The following DDI2 variants were observed in gnomAD, a reference collection of about 807,000 sequenced individuals.
The protein encoded by DDI2 is DDI proteasomal shuttling factor 2, also known as protein DDI1 homolog 2.
In DDI2, 5 loss-of-function variants were observed where a neutral mutation model predicts 48.1. The ratio of observed to expected loss-of-function variants is 0.10; its 90% CI spans 0.05 to 0.22. DDI2 has a LOEUF of 0.22. Among genes scored for constraint, DDI2 ranks in the 10% least tolerant of loss-of-function variants. The pLI, the probability that DDI2 is intolerant of heterozygous loss-of-function variation, is 1.00. For synonymous variants in DDI2, 205 were observed against 183.6 expected, an observed-to-expected ratio of 1.12 and a Z score of -0.94; for missense variants, 285 against 506.2, an observed-to-expected ratio of 0.56 and a Z score of 4.19.
chr1:15,642,739 C>T (rs1460094013), intron 5 of DDI2, among the ~76,000 whole-genome samples: 1 of 152,172 alleles, frequency 6.6e-6, no homozygotes, highest in Non-Finnish European at 1.5e-5. Flanking sequence ...GCCTGGCCAA[C>T]GTGGTAAAAC....
intron 9 of DDI2, among the ~76,000 whole-genome samples, chr1:15,658,258 T>A (rs971786317): frequency 6.6e-6 from 1 of 152,052 alleles, no homozygotes; most frequent in African/African-American, 2.4e-5. Context: ...CAAGCAATTC[T>A]CCCACCTCAG....
intron 9 of DDI2, among the ~76,000 whole-genome samples, chr1:15,658,381 C>A (rs979404158): frequency 5.9e-5 from 9 of 151,850 alleles, no homozygotes; most frequent in African/African-American, 2.2e-4. Flanking sequence ...AACTCCTGAC[C>A]TCAGGTGATC....
At position 15,622,198 on chromosome 1, in the gene DDI2, C is replaced by CTTTTTTTTT. The variant is rs923707351; in HGVS notation, c.138+4399_138+4407dup. Among the ~76,000 whole-genome samples, 25 of 131,216 alleles carry CTTTTTTTTT rather than the reference C, an allele frequency of 1.9e-4. 1 individual carries two copies. Among genetic ancestry groups the CTTTTTTTTT allele is most frequent in the African/African-American group, 3.8e-4 (13 of 34,388 alleles). 86.1% of individuals were successfully genotyped at this position (131,216 alleles called of 152,430 possible). A position where few individuals can be genotyped will look rare whatever the true frequency, so the allele number is the denominator to read the frequency against. On this transcript the variant is annotated intron_variant, in intron 1 of 9. Transcript: ENST00000480945. ...AAGGGATCCTCCCAAGTAGCTGCGACTTTTTTTTTTTTTTTTTGAGACGAG... is the reference window on the plus strand; with the variant it reads ...AAGGGATCCTCCCAAGTAGCTGCGACTTTTTTTTTTTTTTTTTTTTTTTTTTGAGACGAG...
intron 1 of DDI2, among the ~76,000 whole-genome samples, chr1:15,621,999 T>G (rs1639674106): frequency 6.6e-6 from 1 of 152,208 alleles, no homozygotes; most frequent in East Asian, 1.9e-4. Flanking sequence ...GGTATTTGAT[T>G]AATGGTAATA....
intron 5 of DDI2, among the ~76,000 whole-genome samples, chr1:15,640,022 A>G (rs1358744022): frequency 2.7e-5 from 4 of 146,518 alleles, no homozygotes; most frequent in East Asian, 2.1e-4. Context: ...CTTCGGGGGA[A>G]AAAAAAAAAA....
rs768809483 is a variant in DDI2, at chr1:15,656,662, G to T, written c.*29G>T. 1 of 1,614,146 alleles carries T rather than the reference G, an allele frequency of 6.2e-7. No individual in the cohort carries two copies. Among genetic ancestry groups the T allele is most frequent in the Non-Finnish European group, 8.5e-7 (1 of 1,180,004 alleles). ...ATGTAGTGTGTGTGTACTGCAGCTG[G>T]AGTGGGCCCCAGACCAGGTATTTAT... On this transcript the variant is annotated 3_prime_UTR_variant, in exon 9 of 10. Coordinates refer to ENST00000480945, the MANE Select transcript of DDI2 (RefSeq NM_032341.5).
At chr1:15,654,849 A>G (rs537909791) in intron 8 of DDI2, among the ~76,000 whole-genome samples, 2 of 152,194 alleles carry the variant, frequency 1.3e-5, no homozygotes, top group East Asian at 3.9e-4. Flanking sequence ...ATAGCTCCTT[A>G]CAAGGTTTTG....
chr1:15,634,648 T>G, intron 4 of DDI2, among the ~76,000 whole-genome samples: 1 of 150,236 alleles, frequency 6.7e-6, no homozygotes, highest in Non-Finnish European at 1.5e-5. Flanking sequence ...GTTCTCACCT[T>G]AGCCTCCCGA....
Position 15,667,823 on chromosome 1 carries a change from G to A in DDI2, c.*8033G>A, listed in dbSNP as rs1271409780. 2 of 152,176 alleles carry A rather than the reference G, an allele frequency of 1.3e-5. No homozygotes were observed. Among genetic ancestry groups the A allele is most frequent in the Admixed American group, 6.5e-5 (1 of 15,276 alleles). 9.4% of individuals were successfully genotyped at this position (152,176 alleles called of 1,614,324 possible). ...CTCAAAGGTTTATCAGTTATGTATT[G>A]ATGATTGGTAATCTAGACCCTCTGG... On this transcript the variant is annotated 3_prime_UTR_variant, in exon 10 of 10. Coordinates refer to ENST00000480945, the MANE Select transcript of DDI2 (RefSeq NM_032341.5).
rs1386756102 is a variant in DDI2 at position 15,660,584 on chromosome 1, G to T, written c.*794G>T. The T allele has an allele frequency of 6.2e-7, 1 of 1,613,942 alleles. No individual in the cohort carries two copies. The highest frequency in any genetic ancestry group is 2.2e-5 in the East Asian group (1 of 44,890). On this transcript the variant is annotated 3_prime_UTR_variant, in exon 10 of 10. Coordinates refer to ENST00000480945, the MANE Select transcript of DDI2 (RefSeq NM_032341.5). The stretch of plus-strand genomic sequence containing the variant: ...AAGAAAAGTATTCCATCTTCAGAAT[G>T]CAGTGGCTGCTCAAATTCAGAAACA...
At chr1:15,630,265 C>G in intron 2 of DDI2, 60 bp from the exon 3 acceptor site, 2 of 1,524,270 alleles carry the variant, frequency 1.3e-6, no homozygotes, top group Non-Finnish European at 1.8e-6. Context: ...TCTGCTGTTT[C>G]CTTCAAGTGC....
chr1:15,632,948 G>C (rs1021496645), intron 3 of DDI2, among the ~76,000 whole-genome samples: 2 of 141,522 alleles, frequency 1.4e-5, no homozygotes, highest in Non-Finnish European at 3.0e-5. Context: ...AAAAAAACAG[G>C]GTCTCACCAT....
At chr1:15,629,101 T>C (rs1639803995) in intron 2 of DDI2, among the ~76,000 whole-genome samples, 1 of 152,216 alleles carries the variant, frequency 6.6e-6, no homozygotes, top group Non-Finnish European at 1.5e-5. Flanking sequence ...TGAGAACCTA[T>C]GCAAGTCCCT....
intron 6 of DDI2, among the ~76,000 whole-genome samples, chr1:15,644,976 G>A (rs1453477027): frequency 6.6e-6 from 1 of 152,018 alleles, no homozygotes; most frequent in Non-Finnish European, 1.5e-5. Context: ...TGCAACCTCC[G>A]CCTCCCGGGT....
At chr1:15,650,594 A>G (rs1039439561) in intron 7 of DDI2, among the ~76,000 whole-genome samples, 4 of 152,150 alleles carry the variant, frequency 2.6e-5, no homozygotes, top group Non-Finnish European at 5.9e-5. Flanking sequence ...CAAAAAGTAC[A>G]AAAATTAGCT....
chr1:15,623,910 A>C (rs956152875), intron 1 of DDI2, among the ~76,000 whole-genome samples: 4 of 152,050 alleles, frequency 2.6e-5, no homozygotes, highest in Admixed American at 2.6e-4. Flanking sequence ...AATACAAAAA[A>C]AAAATTAGCC....
rs560341803 is a variant in DDI2 at position 15,666,842 on chromosome 1, C to T, written c.*7052C>T. 6 of 152,256 alleles carry T rather than the reference C, an allele frequency of 3.9e-5. No individual in the cohort carries two copies. Among genetic ancestry groups the T allele is most frequent in the South Asian group, 2.1e-4 (1 of 4,832 alleles). 9.4% of individuals were successfully genotyped at this position (152,256 alleles called of 1,614,324 possible). ...AAGTCATATTAGAGTTACCTGGTTC[C>T]ACTTCAGAGCAGACTGGGAAAATCA... On this transcript the variant is annotated 3_prime_UTR_variant, in exon 10 of 10. Coordinates refer to ENST00000480945, the MANE Select transcript of DDI2 (RefSeq NM_032341.5).
chr1:15,660,690 C>T lies in DDI2; in HGVS notation c.*900C>T. ...GCAGGCAGAATGCCAATGTCAAGAACATTGGTGCATTGGATCTCACTTTAG... is the reference window on the plus strand; with the variant it reads ...GCAGGCAGAATGCCAATGTCAAGAATATTGGTGCATTGGATCTCACTTTAG... On this transcript the variant is annotated 3_prime_UTR_variant, in exon 10 of 10. Transcript: ENST00000480945. The T allele has an allele frequency of 6.2e-7, 1 of 1,614,160 alleles. No individual in the cohort carries two copies. The highest frequency in any genetic ancestry group is 8.5e-7 in the Non-Finnish European group (1 of 1,180,046).
chr1:15,646,306 T>C (rs1322361498), intron 6 of DDI2, among the ~76,000 whole-genome samples: 1 of 152,252 alleles, frequency 6.6e-6, no homozygotes, highest in Non-Finnish European at 1.5e-5. Flanking sequence ...TCAGTTGGGT[T>C]ACTGCTCAGT....
Sources: allele counts gnomAD v4.1 joint callset (sites outside exome capture counted in the v4.1 genomes callset), GRCh38; gene constraint gnomAD v4.1.1; transcripts MANE v1.5; gene names NCBI Gene and HGNC (gene_info 2026-07-23, HGNC 2026-07-21).